The following KLHL35 variants were observed in gnomAD, a reference collection of about 807,000 sequenced individuals.
KLHL35 encodes kelch-like protein 35.
KLHL35 carries 50 observed loss-of-function variants against 44.0 expected under a neutral mutation model. The ratio of observed to expected loss-of-function variants is 1.14; its 90% CI spans 0.91 to 1.44. The LOEUF (loss-of-function observed/expected upper bound fraction) is 1.44, where lower values mean the gene tolerates loss of function less well. Ranked by LOEUF, KLHL35 falls within the 40% of genes most tolerant of loss-of-function variation. The pLI, the probability that KLHL35 is intolerant of heterozygous loss-of-function variation, is 0.00. For synonymous variants in KLHL35, 470 were observed against 410.4 expected (o/e 1.15, Z -1.76); for missense variants, 1,049 against 887.8 (o/e 1.18, Z -2.31).
In KLHL35 at chr11:75,426,577, C is replaced by G. The variant is rs1436333670; in HGVS notation, c.1128G>C (p.Lys376Asn). The change falls in exon 4 of 7, where the codon AAG becomes AAC. Residue 376 changes from lysine to asparagine, a missense_variant. By Grantham distance (94) the Lys-to-Asn change is moderately conservative (BLOSUM62 0). Transcript: ENST00000539798. ...MFSSHLHTWIKVASLHKGRWR... is the reference protein window; with the variant it reads ...MFSSHLHTWINVASLHKGRWR... The stretch of plus-strand genomic sequence containing the variant: ...ACCTGCCCTTGTGCAGAGAGGCTAC[C>G]TTGATCCAGGTGTGCAGATGGGAGC... 1 of 1,607,334 alleles carries G rather than the reference C, an allele frequency of 6.2e-7. No homozygotes were observed. Among genetic ancestry groups the G allele is most frequent in the Non-Finnish European group, 8.5e-7 (1 of 1,177,548 alleles).
intron 1 of KLHL35, among the ~76,000 whole-genome samples, chr11:75,432,380 G>A (rs1364939315): frequency 6.6e-6 from 1 of 152,184 alleles, no homozygotes; most frequent in African/African-American, 2.4e-5. Flanking sequence ...ACTGGATCCT[G>A]AATCCACCTG....
intron 1 of KLHL35, among the ~76,000 whole-genome samples, chr11:75,431,933 C>A (rs1320020409): frequency 1.3e-5 from 2 of 152,182 alleles, no homozygotes; most frequent in Admixed American, 6.5e-5. Context: ...TGAGAAGTTT[C>A]TTTAGCCCAC....
intron 2 of KLHL35, 22 bp downstream of exon 2, chr11:75,429,727 A>T (rs1948517326): frequency 4.9e-6 from 7 of 1,436,658 alleles, no homozygotes; most frequent in Non-Finnish European, 6.4e-6. Flanking sequence ...GAGGGCGGGA[A>T]GCTAGGGGAT....
intron 4 of KLHL35, 30 bp from the exon 5 acceptor site, chr11:75,425,611 G>T: frequency 6.9e-7 from 1 of 1,442,104 alleles, no homozygotes. Flanking sequence ...CCGGGGAGCC[G>T]GGTGCCAGGG....
Position 75,423,899 on chromosome 11 carries a change from A to G in KLHL35, c.1375-19T>C. 1.3e-6 allele frequency: 2 copies of G among 1,593,006 alleles called. No individual in the cohort carries two copies. The highest frequency in any genetic ancestry group is 1.7e-6 in the Non-Finnish European group (2 of 1,167,554). ...ACTGCACCTGAGGGGCAAGAGCAGCAGTGGTGAAGACTCACCGCCCCCCCC... is the reference window on the plus strand; with the variant it reads ...ACTGCACCTGAGGGGCAAGAGCAGCGGTGGTGAAGACTCACCGCCCCCCCC... On this transcript the variant is annotated intron_variant, in intron 5 of 6. Coordinates refer to ENST00000539798, the MANE Select transcript of KLHL35 (RefSeq NM_001039548.3).
rs748313122 is a variant in KLHL35, at chr11:75,429,921, G to A, written c.709C>T (p.Arg237Cys). The stretch of plus-strand genomic sequence containing the variant: ...GGCAGGCGCACGTGCTCCAGCAGGC[G>A]TCGCAGCTGGCCGCGGCGGGCCGGC... Reference protein sequence around the residue: ...DAPARRGQLRRLLEHVRLPLL... With the variant: ...DAPARRGQLRCLLEHVRLPLL... The change falls in exon 2 of 7, where the codon CGC becomes TGC. Residue 237 changes from arginine to cysteine, a missense_variant. Transcript: ENST00000539798. 10 of 1,482,346 alleles carry A rather than the reference G, an allele frequency of 6.7e-6. No homozygotes were observed. The highest frequency in any genetic ancestry group is 4.8e-5 in the Admixed American group (2 of 42,104). The allele number at this position is 1,482,346 out of a possible 1,614,324, so 91.8% of individuals were successfully genotyped here. A position where few individuals can be genotyped will look rare whatever the true frequency, so the allele number is the denominator to read the frequency against.
intron 1 of KLHL35, among the ~76,000 whole-genome samples, chr11:75,430,919 A>G (rs996718118): frequency 6.6e-6 from 1 of 152,212 alleles, no homozygotes; most frequent in African/African-American, 2.4e-5. Context: ...CAAACAGGGT[A>G]ATCGGAGGAG....
In KLHL35 at chr11:75,430,637, G is replaced by C; in HGVS notation, c.-1-7C>G. The C allele has an allele frequency of 7.3e-7, 1 of 1,365,148 alleles. No individual in the cohort carries two copies. Among genetic ancestry groups the C allele is most frequent in the Non-Finnish European group, 9.4e-7 (1 of 1,061,310 alleles). The allele number at this position is 1,365,148 out of a possible 1,614,324, so 84.6% of individuals were successfully genotyped here. ...CGCATGGCCTTGCCGCATCCTGCCG[G>C]GGAGAGAACACAAACAGCGTCGGGG... On this transcript the variant is annotated splice_polypyrimidine_tract_variant and splice_region_variant and intron_variant, in intron 1 of 6. Coordinates refer to ENST00000539798, the MANE Select transcript of KLHL35 (RefSeq NM_001039548.3).
chr11:75,429,812 A>G lies in KLHL35; in HGVS notation c.818T>C (p.Leu273Pro). Residue 273 changes from leucine (L) to proline (P), a missense_variant, in exon 2 of 7, where the codon CTC (leucine) becomes CCC (proline). Transcript: ENST00000539798. ...QACGECRPLL[L>P]EARACFILGR... ...CAGGATGAAGCAGGCGCGAGCCTCGAGCAGCAGCGGGCGGCACTCGCCGCA... is the reference window on the plus strand; with the variant it reads ...CAGGATGAAGCAGGCGCGAGCCTCGGGCAGCAGCGGGCGGCACTCGCCGCA... 6.6e-7 allele frequency: 1 copy of G among 1,511,950 alleles called. No individual in the cohort carries two copies. Among genetic ancestry groups the G allele is most frequent in the Non-Finnish European group, 8.8e-7 (1 of 1,137,196 alleles). The allele number at this position is 1,511,950 out of a possible 1,614,324, so 93.7% of individuals were successfully genotyped here.
At position 75,428,485 on chromosome 11, in the gene KLHL35, T is replaced by C. The variant is rs943175253; in HGVS notation, c.1023A>G (p.Ser341=). 3.7e-6 allele frequency: 6 copies of C among 1,612,518 alleles called. No individual in the cohort carries two copies. In the African/African-American group the frequency reaches 6.7e-5, roughly 18 times the overall value. The stretch of plus-strand genomic sequence containing the variant: ...TGCGGAGAGCACAGGCGGCGAATTC[T>C]GAGCGAGTGTAGCCGGGCAGGCTGG... The part of the protein sequence containing the change: ...PLPSLPGYTR[S]EFAACALRND... The change falls in exon 3 of 7, where the codon TCA becomes TCG. Residue 341 remains serine, a synonymous_variant. Coordinates refer to ENST00000539798, the MANE Select transcript of KLHL35 (RefSeq NM_001039548.3).
In KLHL35 at chr11:75,430,592, C is replaced by A. The variant is rs1373910616; in HGVS notation, c.38G>T (p.Gly13Val). ...QGHAPEESEPGCEAPCAGPCH... is the reference protein window; with the variant it reads ...QGHAPEESEPVCEAPCAGPCH... ...CGGACCCGCGCACGGCGCTTCGCAG[C>A]CCGGCTCCGACTCCTCCGGCGCATG... The change falls in exon 2 of 7, where the codon GGC (glycine) becomes GTC (valine). Residue 13 changes from glycine to valine, a missense_variant. Transcript: ENST00000539798. 3 of 1,424,598 alleles carry A rather than the reference C, an allele frequency of 2.1e-6. No homozygotes were observed. Among genetic ancestry groups the A allele is most frequent in the Non-Finnish European group, 1.8e-6 (2 of 1,091,632 alleles). 88.2% of individuals were successfully genotyped at this position (1,424,598 alleles called of 1,614,324 possible). A position where few individuals can be genotyped will look rare whatever the true frequency, so the allele number is the denominator to read the frequency against.
chr11:75,425,318 C>T (rs1342973114), intron 5 of KLHL35, 75 bp downstream of exon 5: 11 of 1,402,952 alleles, frequency 7.8e-6, no homozygotes, highest in Non-Finnish European at 9.4e-6. Flanking sequence ...GGCATGGAAA[C>T]GCCCAATTCT....
rs762785010 is a variant in KLHL35 at position 75,433,183 on chromosome 11, C to G, written c.-142G>C. 6.6e-6 allele frequency among the ~76,000 whole-genome samples: 1 copy of G among 152,076 alleles called. No individual in the cohort carries two copies. The highest frequency in any genetic ancestry group is 2.4e-5 in the African/African-American group (1 of 41,398). On this transcript the variant is annotated 5_prime_UTR_variant, in exon 1 of 7. Coordinates refer to ENST00000539798, the MANE Select transcript of KLHL35 (RefSeq NM_001039548.3). ...CCCAGACTCCCGTTTGCTGTTCGCT[C>G]GGGCTCAGCTGCGGGAGGACAAAGG...
chr11:75,425,775 C>A, intron 4 of KLHL35, 194 bp from the exon 5 acceptor site: 1 of 453,332 alleles, frequency 2.2e-6, no homozygotes. Flanking sequence ...CCTCCCTGAG[C>A]CGGTTTCCTC....
chr11:75,428,185 GATT>G (rs1297856002), intron 3 of KLHL35, among the ~76,000 whole-genome samples: 4 of 152,240 alleles, frequency 2.6e-5, no homozygotes, highest in African/African-American at 9.7e-5. Context: ...TAGTTGAAGT[GATT>G]ATTAATACTA....
At chr11:75,426,981 C>T (rs1174386530) in intron 3 of KLHL35, 1 of 192,534 alleles carries the variant, frequency 5.2e-6, no homozygotes, top group African/African-American at 2.3e-5. Flanking sequence ...ACAAAGGGTA[C>T]CTAAGGCAAG....
At position 75,429,616 on chromosome 11, in the gene KLHL35, C is replaced by T. The variant is rs142462817; in HGVS notation, c.881+133G>A. 6.9e-4 allele frequency: 809 copies of T among 1,173,624 alleles called. 1 individual carries two copies. The African/African-American group carries it at 0.011, about 16-fold the overall frequency. The allele number at this position is 1,173,624 out of a possible 1,614,324, so 72.7% of individuals were successfully genotyped here. On this transcript the variant is annotated intron_variant, in intron 2 of 6. Coordinates refer to ENST00000539798, the MANE Select transcript of KLHL35 (RefSeq NM_001039548.3). ...TCTTCAAGGGCAGAATTATGGGCACCGAGCCTCTAAAATGTTGAACGAATG... is the reference window on the plus strand; with the variant it reads ...TCTTCAAGGGCAGAATTATGGGCACTGAGCCTCTAAAATGTTGAACGAATG...
chr11:75,423,561 A>T (rs1195407296), intron 6 of KLHL35, 131 bp downstream of exon 6: 1 of 772,688 alleles, frequency 1.3e-6, no homozygotes, highest in Admixed American at 2.3e-5. Context: ...ATGGTTCACT[A>T]TCACTGTGAG....
Position 75,423,696 on chromosome 11 carries a change from G to T in KLHL35, c.1559C>A (p.Pro520His), listed in dbSNP as rs566418374. 3 of 1,613,510 alleles carry T rather than the reference G, an allele frequency of 1.9e-6. No individual in the cohort carries two copies. In the African/African-American group the frequency reaches 4.0e-5, roughly 22 times the overall value. The part of the protein sequence containing the change: ...VWGEAAVLPS[P>H]VESCGVTVCD... ...TGCCTTGAAGCCTCCACTTACCACAGGGCTGGGGAGGACAGCTGCCTCCCC... is the reference window on the plus strand; with the variant it reads ...TGCCTTGAAGCCTCCACTTACCACATGGCTGGGGAGGACAGCTGCCTCCCC... The change falls in exon 6 of 7, where the codon CCT becomes CAT. Residue 520 changes from proline (P) to histidine (H), a missense_variant. By Grantham distance (77) the Pro-to-His change is moderately conservative. Transcript: ENST00000539798.
Sources: allele counts gnomAD v4.1 joint callset (sites outside exome capture counted in the v4.1 genomes callset), GRCh38; gene constraint gnomAD v4.1.1; transcripts MANE v1.5; gene names NCBI Gene and HGNC (gene_info 2026-07-23, HGNC 2026-07-21).